HMCN1: variants seen among roughly 807,000 people sequenced by gnomAD.
HMCN1 encodes the protein hemicentin-1.
In HMCN1, 321 loss-of-function variants were observed where a neutral mutation model predicts 625.9. That is an observed-to-expected ratio of 0.51 (90% CI 0.47 to 0.56). HMCN1 has a LOEUF of 0.56. HMCN1 is among the 20% of genes least tolerant of loss of function. The pLI is 0.00. For synonymous variants in HMCN1, 2,425 were observed against 2,417.6 expected (o/e 1.00, Z -0.09); for missense variants, 6,588 against 6,887.3 (o/e 0.96, Z 1.54).
intron 1 of HMCN1, among the ~76,000 whole-genome samples, chr1:185,778,489 C>A (rs1656786694): frequency 8.8e-6 from 1 of 114,000 alleles, no homozygotes. Flanking sequence ...AATGCTATCC[C>A]TCCCCCCGCC....
chr1:185,897,818 G>T (rs1337186758), intron 4 of HMCN1, among the ~76,000 whole-genome samples: 2 of 152,094 alleles, frequency 1.3e-5, no homozygotes, highest in Non-Finnish European at 2.9e-5. Flanking sequence ...TAGCTTTTAA[G>T]AGATAAGGTC....
chr1:185,740,712 C>T (rs113372939), intron 1 of HMCN1, among the ~76,000 whole-genome samples: 4,788 of 108,958 alleles, frequency 0.044, 262 homozygotes, highest in African/African-American at 0.16. Context: ...GATGGGGTGG[C>T]GGGGAGCTCG....
chr1:185,769,675 G>A (rs1280161842), intron 1 of HMCN1, among the ~76,000 whole-genome samples: 3 of 152,078 alleles, frequency 2.0e-5, no homozygotes, highest in Non-Finnish European at 4.4e-5. Context: ...TATGGCTCCG[G>A]ATTCTGTTAG....
intron 30 of HMCN1, among the ~76,000 whole-genome samples, chr1:186,007,868 C>A (rs1197313569): frequency 2.0e-5 from 3 of 152,212 alleles, no homozygotes; most frequent in East Asian, 3.9e-4. Context: ...TAGGTAGGCA[C>A]ATGAATATTA....
Position 186,023,084 on chromosome 1 carries a change from G to A in HMCN1, c.5680G>A (p.Gly1894Ser), listed in dbSNP as rs779202519. ...TGCCAAAACCCTGTTGGAAGATGCT[G>A]GCAGATACACATGTGTGGCTACCAA... ...QIAKTLLEDAGRYTCVATNAA... is the reference protein window; with the variant it reads ...QIAKTLLEDASRYTCVATNAA... Residue 1894 changes from glycine to serine, a missense_variant, in exon 36 of 107, where the codon GGC (glycine) becomes AGC (serine). By Grantham distance (56) the Gly-to-Ser change is moderately conservative. This residue lies in a region of HMCN1 where 4,628 missense variants were observed against 4,853.1 expected (regional missense o/e 0.95). Transcript: ENST00000271588. 5.6e-6 allele frequency: 9 copies of A among 1,613,324 alleles called. No individual in the cohort carries two copies. In the South Asian group the frequency reaches 9.9e-5, roughly 18 times the overall value.
rs35031310 is a variant in HMCN1, at chr1:185,797,965, C to CAAAAAA, written c.269-48035_269-48030dup. ...TGGGCGACAGAGCGAGACTCCGTCT[C>CAAAAAA]AAAAAAAAAAAAAAAAAAAAAAAAA... is the stretch of plus-strand genomic sequence containing the variant. On this transcript the variant is annotated intron_variant, in intron 1 of 106. Transcript: ENST00000271588. 2.8e-3 allele frequency among the ~76,000 whole-genome samples: 38 copies of CAAAAAA among 13,666 alleles called. 5 individuals are homozygous for CAAAAAA. Among genetic ancestry groups the CAAAAAA allele is most frequent in the Admixed American group, 9.1e-3 (7 of 772 alleles). The allele number at this position is 13,666 out of a possible 152,430, so 9.0% of individuals were successfully genotyped here. A position where few individuals can be genotyped will look rare whatever the true frequency, so the allele number is the denominator to read the frequency against.
intron 1 of HMCN1, among the ~76,000 whole-genome samples, chr1:185,843,452 T>C (rs1158224813): frequency 6.6e-6 from 1 of 152,136 alleles, no homozygotes; most frequent in East Asian, 1.9e-4. Flanking sequence ...CTGGAGACCA[T>C]GTTCAGGCAG....
chr1:186,182,033 C>T, intron 104 of HMCN1, 135 bp from the exon 105 acceptor site: 1 of 916,270 alleles, frequency 1.1e-6, no homozygotes, highest in Non-Finnish European at 1.8e-6. Flanking sequence ...TAGCTCTGAG[C>T]ATTTTTTAAC....
chr1:185,741,833 G>C (rs998660178), intron 1 of HMCN1, among the ~76,000 whole-genome samples: 1 of 152,198 alleles, frequency 6.6e-6, no homozygotes, highest in Non-Finnish European at 1.5e-5. Context: ...AATTCAAAGA[G>C]AATGGGAAAA....
In HMCN1 at chr1:186,153,962, T is replaced by C. The variant is rs1199334431; in HGVS notation, c.15231T>C (p.Phe5077=). ...ACCAGATAGAAGAGACACTGGGTTT[T>C]AAAATTCATGCTTCAATATCCAAAG... The part of the protein sequence containing the change: ...DYNQIEETLG[F]KIHASISKGD... Residue 5077 remains phenylalanine, a synonymous_variant, in exon 97 of 107, where the codon TTT becomes TTC. Coordinates refer to ENST00000271588, the MANE Select transcript of HMCN1 (RefSeq NM_031935.3). 6.2e-7 allele frequency: 1 copy of C among 1,613,372 alleles called. No individual in the cohort carries two copies. Among genetic ancestry groups the C allele is most frequent in the East Asian group, 2.2e-5 (1 of 44,880 alleles).
At chr1:186,153,275 A>G (rs1294041620) in intron 96 of HMCN1, among the ~76,000 whole-genome samples, 1 of 152,220 alleles carries the variant, frequency 6.6e-6, no homozygotes, top group Non-Finnish European at 1.5e-5. Context: ...AATTTATGAC[A>G]GCAAAATTAT....
rs553668791 is a variant in HMCN1 at position 185,897,319 on chromosome 1, C to T, written c.622-12018C>T. 2.0e-5 allele frequency among the ~76,000 whole-genome samples: 3 copies of T among 152,278 alleles called. No individual in the cohort carries two copies. In the South Asian group the frequency reaches 6.2e-4, roughly 32 times the overall value. ...TCCAGCCTTTCCCTCCCAATCCCTCCACCACATTCTTCCAGTAGAATCCTT... is the reference window on the plus strand; with the variant it reads ...TCCAGCCTTTCCCTCCCAATCCCTCTACCACATTCTTCCAGTAGAATCCTT... On this transcript the variant is annotated intron_variant, in intron 4 of 106. Coordinates refer to ENST00000271588, the MANE Select transcript of HMCN1 (RefSeq NM_031935.3).
intron 43 of HMCN1, among the ~76,000 whole-genome samples, chr1:186,053,535 C>G (rs1220964243): frequency 1.8e-4 from 28 of 151,954 alleles, no homozygotes; most frequent in Non-Finnish European, 1.0e-4. Flanking sequence ...TAACATTTTT[C>G]TGTTTGTGAC....
At chr1:186,046,404 G>A (rs1410546204) in intron 41 of HMCN1, among the ~76,000 whole-genome samples, 1 of 152,092 alleles carries the variant, frequency 6.6e-6, no homozygotes, top group African/African-American at 2.4e-5. Context: ...GGGAGGTGGA[G>A]GTTGCAGTAA....
intron 1 of HMCN1, among the ~76,000 whole-genome samples, chr1:185,794,290 A>G (rs1046355995): frequency 1.3e-5 from 2 of 151,992 alleles, no homozygotes; most frequent in African/African-American, 4.8e-5. Context: ...GAATGTATAC[A>G]GTACATTTGT....
intron 67 of HMCN1, among the ~76,000 whole-genome samples, 176 bp downstream of exon 67, chr1:186,094,549 G>C (rs759855098): frequency 5.3e-5 from 8 of 152,148 alleles, no homozygotes; most frequent in Middle Eastern, 3.4e-3. Flanking sequence ...CCATATTATT[G>C]GACCATATTG....
At chr1:186,146,528 T>G (rs1046985939) in intron 93 of HMCN1, among the ~76,000 whole-genome samples, 5 of 152,204 alleles carry the variant, frequency 3.3e-5, no homozygotes, top group Non-Finnish European at 7.3e-5. Flanking sequence ...AATAACGGTT[T>G]TATATTGTTG....
chr1:186,127,034 C>A (rs1288119963), intron 82 of HMCN1, among the ~76,000 whole-genome samples: 1 of 151,924 alleles, frequency 6.6e-6, no homozygotes, highest in Non-Finnish European at 1.5e-5. Flanking sequence ...TACTTTGAAG[C>A]TAGCATTTTC....
chr1:186,084,815 G>T (rs1011336719), intron 57 of HMCN1, among the ~76,000 whole-genome samples: 3 of 151,818 alleles, frequency 2.0e-5, no homozygotes, highest in African/African-American at 7.3e-5. Flanking sequence ...GTTTTATATA[G>T]GTTATTTCAC....
Sources: allele counts gnomAD v4.1 joint callset (sites outside exome capture counted in the v4.1 genomes callset), GRCh38; gene constraint gnomAD v4.1.1; regional missense constraint gnomAD v4.1.1; transcripts MANE v1.5; gene names NCBI Gene and HGNC (gene_info 2026-07-23, HGNC 2026-07-21).